Variants in ATP8A2 observed in about 807,000 individuals in gnomAD.
The protein encoded by ATP8A2 is phospholipid-transporting ATPase IB.
ATP8A2 carries 100 observed loss-of-function variants against 165.6 expected under a neutral mutation model. That is an observed-to-expected ratio of 0.60 (90% CI 0.51 to 0.71). The LOEUF (loss-of-function observed/expected upper bound fraction) is 0.71, where lower values mean the gene tolerates loss of function less well. ATP8A2 is among the 30% of genes least tolerant of loss of function. The pLI, the probability that ATP8A2 is intolerant of heterozygous loss-of-function variation, is 0.00. For missense variants in ATP8A2, 1,227 were observed against 1,479.5 expected, an observed-to-expected ratio of 0.83 and a Z score of 2.80; for synonymous variants, 543 against 548.8, an observed-to-expected ratio of 0.99 and a Z score of 0.15.
intron 24 of ATP8A2, among the ~76,000 whole-genome samples, chr13:25,609,707 T>C (rs962309242): frequency 4.0e-5 from 6 of 151,060 alleles, no homozygotes; most frequent in African/African-American, 1.2e-4. Context: ...CCACACTGTG[T>C]TCCATAGTGG....
intron 11 of ATP8A2, among the ~76,000 whole-genome samples, chr13:25,553,456 C>A (rs1395466894): frequency 6.6e-6 from 1 of 152,192 alleles, no homozygotes; most frequent in African/African-American, 2.4e-5. Context: ...AAAGGCCTGT[C>A]TTCTTTTCTA....
intron 2 of ATP8A2, among the ~76,000 whole-genome samples, chr13:25,495,272 G>A (rs1356052897): frequency 6.6e-6 from 1 of 152,156 alleles, no homozygotes; most frequent in Non-Finnish European, 1.5e-5. Flanking sequence ...TGTGTAAGAG[G>A]CTGAGAAGGG....
At chr13:25,423,185 G>A (rs1214826651) in intron 1 of ATP8A2, among the ~76,000 whole-genome samples, 1 of 152,068 alleles carries the variant, frequency 6.6e-6, no homozygotes, top group Non-Finnish European at 1.5e-5. Context: ...CTCTTTCTAG[G>A]CCTTTTTACC....
chr13:25,821,068 T>TA (rs1951167991), intron 27 of ATP8A2, among the ~76,000 whole-genome samples: 1 of 152,200 alleles, frequency 6.6e-6, no homozygotes, highest in South Asian at 2.1e-4. Flanking sequence ...ATGAGCTTGT[T>TA]TATGCTTCTC....
At chr13:25,967,220 C>G (rs1955798086) in intron 34 of ATP8A2, among the ~76,000 whole-genome samples, 2 of 152,206 alleles carry the variant, frequency 1.3e-5, no homozygotes, top group Non-Finnish European at 2.9e-5. Context: ...TCCACAGGCT[C>G]TGCTTTGAAC....
chr13:25,450,733 A>G lies in ATP8A2; in HGVS notation c.77-18244A>G, dbSNP rs144637273. On this transcript the variant is annotated intron_variant, in intron 1 of 36. Coordinates refer to ENST00000381655, the MANE Select transcript of ATP8A2 (RefSeq NM_016529.6). ...TTTTTAATAGAGACGGGGTTTCACC[A>G]TGTTAGCCAGGATGGTCTCAATCTC... Among the ~76,000 whole-genome samples, 148 of 152,074 alleles carry G rather than the reference A, an allele frequency of 9.7e-4. 1 individual carries two copies. In the East Asian group the frequency reaches 0.015, roughly 15 times the overall value.
At chr13:25,415,799 G>T (rs55900230) in intron 1 of ATP8A2, among the ~76,000 whole-genome samples, 35,381 of 151,970 alleles carry the variant, frequency 0.23, 4,472 homozygotes, top group East Asian at 0.45. Flanking sequence ...TCTAAAGGTG[G>T]TCTCCTTAGT....
At chr13:25,699,960 C>T (rs2042917145) in intron 25 of ATP8A2, among the ~76,000 whole-genome samples, 2 of 151,786 alleles carry the variant, frequency 1.3e-5, no homozygotes, top group South Asian at 4.2e-4. Flanking sequence ...AGACAGTAAA[C>T]CACTAGAAAG....
intron 2 of ATP8A2, among the ~76,000 whole-genome samples, chr13:25,475,344 C>T (rs2035964035): frequency 6.6e-6 from 1 of 152,226 alleles, no homozygotes; most frequent in South Asian, 2.1e-4. Context: ...CCGCAAAAGA[C>T]ATGATCTCAT....
chr13:25,597,643 T>C (rs1250508620), intron 24 of ATP8A2, among the ~76,000 whole-genome samples: 1 of 152,074 alleles, frequency 6.6e-6, no homozygotes, highest in African/African-American at 2.4e-5. Flanking sequence ...ACTTCTCCAG[T>C]CAGGCCTTGA....
chr13:25,379,721 C>T (rs888554768), intron 1 of ATP8A2, among the ~76,000 whole-genome samples: 11 of 152,164 alleles, frequency 7.2e-5, no homozygotes, highest in Admixed American at 2.0e-4. Flanking sequence ...CTCGGCGGAG[C>T]GGGCCCTGCT....
chr13:25,661,524 A>G (rs973562179), intron 24 of ATP8A2, among the ~76,000 whole-genome samples: 1 of 152,214 alleles, frequency 6.6e-6, no homozygotes, highest in Non-Finnish European at 1.5e-5. Flanking sequence ...AACTTGTAAT[A>G]TCTCAAATAT....
intron 35 of ATP8A2, among the ~76,000 whole-genome samples, chr13:25,991,164 C>T (rs757622912): frequency 1.3e-5 from 2 of 151,988 alleles, no homozygotes; most frequent in African/African-American, 2.4e-5. Context: ...GGAAGCTTGG[C>T]GAGATAGCAT....
intron 33 of ATP8A2, among the ~76,000 whole-genome samples, chr13:25,941,284 G>A (rs1476708269): frequency 6.6e-6 from 1 of 152,098 alleles, no homozygotes; most frequent in Non-Finnish European, 1.5e-5. Context: ...TCTCATAGCT[G>A]CTGCCTTGGT....
chr13:25,407,856 G>T (rs999697334), intron 1 of ATP8A2, among the ~76,000 whole-genome samples: 1 of 152,126 alleles, frequency 6.6e-6, no homozygotes, highest in Admixed American at 6.5e-5. Flanking sequence ...ACATGCCTTG[G>T]ATGGCATCAC....
intron 24 of ATP8A2, among the ~76,000 whole-genome samples, chr13:25,598,591 A>G (rs1439305303): frequency 2.6e-5 from 4 of 152,126 alleles, no homozygotes; most frequent in African/African-American, 9.7e-5. Flanking sequence ...TCTGATTATA[A>G]TGGCTCCTTT....
At chr13:25,816,581 G>A (rs75329781) in intron 27 of ATP8A2, among the ~76,000 whole-genome samples, 3,135 of 152,228 alleles carry the variant, frequency 0.021, 100 homozygotes, top group African/African-American at 0.072. Context: ...CTTCAGATAC[G>A]TCCCATGCCT....
intron 1 of ATP8A2, among the ~76,000 whole-genome samples, chr13:25,396,034 G>A (rs139872904): frequency 0.01 from 1,551 of 152,174 alleles, 27 homozygotes; most frequent in African/African-American, 0.035. Flanking sequence ...AGTAAAGAGG[G>A]GGTTTCACCA....
chr13:25,864,412 A>G lies in ATP8A2; in HGVS notation c.3183+2004A>G, dbSNP rs564469105. On this transcript the variant is annotated intron_variant, in intron 33 of 36. Coordinates refer to ENST00000381655, the MANE Select transcript of ATP8A2 (RefSeq NM_016529.6). ...AACTCTCACTCCCATCGAGATACCG[A>G]CTTTCCAACTGCAGAAGGACCAGGC... Among the ~76,000 whole-genome samples the G allele has an allele frequency of 2.6e-5, 4 of 152,250 alleles. No homozygotes were observed. In the East Asian group the frequency reaches 7.7e-4, roughly 29 times the overall value.
Sources: gnomAD v4.1 joint callset for allele counts (sites outside exome capture counted in the v4.1 genomes callset) on GRCh38, gnomAD v4.1.1 for gene constraint, MANE v1.5 for transcripts, NCBI Gene and HGNC (gene_info 2026-07-23, HGNC 2026-07-21) for gene names.